Variants in CELA1 observed in about 807,000 individuals in gnomAD.
CELA1 encodes the protein chymotrypsin like elastase 1.
Under a neutral mutation model 34.8 loss-of-function variants are expected in CELA1, and 28 were observed. That is an observed-to-expected ratio of 0.80 (90% CI 0.60 to 1.10). The LOEUF (loss-of-function observed/expected upper bound fraction) is 1.10, where lower values mean the gene tolerates loss of function less well. Ranked by LOEUF, CELA1 falls within the 50% of genes least tolerant of loss-of-function variation. The pLI is 0.00. For synonymous variants in CELA1, 140 were observed against 129.8 expected (o/e 1.08, Z -0.53); for missense variants, 288 against 327.5 (o/e 0.88, Z 0.93).
intron 6 of CELA1, among the ~76,000 whole-genome samples, chr12:51,332,187 TAAA>T (rs35398341): frequency 1.4e-5 from 2 of 140,166 alleles, no homozygotes; most frequent in African/African-American, 2.6e-5. Context: ...CCTGTCTCTT[TAAA>T]AAAAAAAAAA....
intron 6 of CELA1, among the ~76,000 whole-genome samples, chr12:51,330,528 A>G (rs1946463453): frequency 6.6e-6 from 1 of 152,206 alleles, no homozygotes; most frequent in Admixed American, 6.5e-5. Context: ...CCTCCACTAA[A>G]ATGGCCTAGC....
rs749726504 is a variant in CELA1, at chr12:51,343,801, G to T, written c.152C>A (p.Thr51Asn). Residue 51 changes from threonine to asparagine, a missense_variant, in exon 3 of 8, where the codon ACC becomes AAC. Physicochemically the swap from Thr to Asn is moderately conservative, Grantham distance 65. Coordinates refer to ENST00000293636, the MANE Select transcript of CELA1 (RefSeq NM_001971.6). ...CATCACCCAGTTCTGTCTGATAAGGGTCCCTCCACAGGTGTGATACCGGGA... is the reference window on the plus strand; with the variant it reads ...CATCACCCAGTTCTGTCTGATAAGGTTCCCTCCACAGGTGTGATACCGGGA... Reference protein sequence around the residue: ...GGSRYHTCGGTLIRQNWVMTA... With the variant: ...GGSRYHTCGGNLIRQNWVMTA... The T allele has an allele frequency of 1.2e-5, 20 of 1,611,226 alleles. No individual in the cohort carries two copies. In the Admixed American group the frequency reaches 2.8e-4, roughly 23 times the overall value.
Position 51,343,318 on chromosome 12 carries a change from T to C in CELA1, c.200+435A>G, listed in dbSNP as rs181342546. On this transcript the variant is annotated intron_variant, in intron 3 of 7. Transcript: ENST00000293636. ...CCTGGACCTACCAAATTAGAAACTC[T>C]GCTGGATGGGGCCCAGCAATCTGTG... Among the ~76,000 whole-genome samples, 174 of 152,342 alleles carry C rather than the reference T, an allele frequency of 1.1e-3. 1 individual carries two copies. Among genetic ancestry groups the C allele is most frequent in the Non-Finnish European group, 3.5e-4 (24 of 68,022 alleles).
chr12:51,329,648 T>C lies in CELA1; in HGVS notation c.759+36A>G, dbSNP rs1384817709. On this transcript the variant is annotated intron_variant, in intron 7 of 7. Transcript: ENST00000293636. The stretch of plus-strand genomic sequence containing the variant: ...CCCAGCCAGTGCGTAGGTCTCCAGG[T>C]GACCCCATTTCAACCCATCATTTGA... 2.5e-6 allele frequency: 4 copies of C among 1,569,440 alleles called. No individual in the cohort carries two copies. The Admixed American group carries it at 7.4e-5, about 29-fold the overall frequency.
At chr12:51,339,330 C>T (rs1019650392) in intron 6 of CELA1, among the ~76,000 whole-genome samples, 1 of 152,326 alleles carries the variant, frequency 6.6e-6, no homozygotes, top group East Asian at 1.9e-4. Context: ...GCGGGTGGAT[C>T]ACCTGAGGTC....
rs369885178 is a variant in CELA1, at chr12:51,346,670, C to T, written c.-32G>A. 9 of 1,595,430 alleles carry T rather than the reference C, an allele frequency of 5.6e-6. No homozygotes were observed. The highest frequency in any genetic ancestry group is 4.0e-5 in the African/African-American group (3 of 74,104). On this transcript the variant is annotated 5_prime_UTR_variant, in exon 1 of 8. Transcript: ENST00000293636. ...GATGGAGTAGACCACTGCCTTCTTG[C>T]TTGGACCAAGCCCTCTTTATACTCC...
chr12:51,342,725 A>C (rs1271409660), intron 3 of CELA1, 25 bp from the exon 4 acceptor site: 18 of 1,613,770 alleles, frequency 1.1e-5, no homozygotes, highest in Non-Finnish European at 1.5e-5. Context: ...GGAATCCCTG[A>C]GTCATCCAGG....
At chr12:51,333,221 A>G (rs1592295503) in intron 6 of CELA1, among the ~76,000 whole-genome samples, 1 of 151,818 alleles carries the variant, frequency 6.6e-6, no homozygotes, top group Non-Finnish European at 1.5e-5. Flanking sequence ...CAGCCTCCCA[A>G]GTAGCTGGGA....
intron 6 of CELA1, among the ~76,000 whole-genome samples, chr12:51,331,726 G>A (rs756147155): frequency 1.3e-5 from 2 of 152,178 alleles, no homozygotes; most frequent in Non-Finnish European, 2.9e-5. Context: ...CCCTCACAAC[G>A]AATGCAAATA....
rs1946552063 is a variant in CELA1, at chr12:51,343,873, A to G, written c.100-20T>C. The G allele has an allele frequency of 1.5e-6, 2 of 1,343,766 alleles. No individual in the cohort carries two copies. The highest frequency in any genetic ancestry group is 1.4e-5 in the African/African-American group (1 of 69,326). The allele number at this position is 1,343,766 out of a possible 1,614,324, so 83.2% of individuals were successfully genotyped here. ...GGAAATCTAGATGGGGAGGAAAGAAAGAAGGGATAGGTTGGTGTTTCTCAA... is the reference window on the plus strand; with the variant it reads ...GGAAATCTAGATGGGGAGGAAAGAAGGAAGGGATAGGTTGGTGTTTCTCAA... On this transcript the variant is annotated intron_variant, in intron 2 of 7. Coordinates refer to ENST00000293636, the MANE Select transcript of CELA1 (RefSeq NM_001971.6).
In CELA1 at chr12:51,339,930, G is replaced by A; in HGVS notation, c.539C>T (p.Ser180Phe). 2 of 1,614,132 alleles carry A rather than the reference G, an allele frequency of 1.2e-6. No homozygotes were observed. The highest frequency in any genetic ancestry group is 1.1e-5 in the South Asian group (1 of 91,076). The change falls in exon 6 of 8, where the codon TCC becomes TTC. Residue 180 changes from serine (S) to phenylalanine (F), a missense_variant. Transcript: ENST00000293636. ...SVDYAICSSS[S>F]YWGSTVKNTM... is the part of the protein sequence containing the mutation. ...GTTCTTCACAGTGGAGCCCCAGTAGGAGGAGCTGGAGCAGATGGCGTAGTC... is the reference window on the plus strand; with the variant it reads ...GTTCTTCACAGTGGAGCCCCAGTAGAAGGAGCTGGAGCAGATGGCGTAGTC...
At chr12:51,336,897 C>T (rs1946502128) in intron 6 of CELA1, among the ~76,000 whole-genome samples, 1 of 152,186 alleles carries the variant, frequency 6.6e-6, no homozygotes, top group South Asian at 2.1e-4. Flanking sequence ...TTGCAATAGC[C>T]CTCTAGGCAA....
intron 6 of CELA1, among the ~76,000 whole-genome samples, chr12:51,338,163 G>A (rs1377286607): frequency 4.6e-5 from 7 of 150,850 alleles, no homozygotes; most frequent in East Asian, 1.9e-4. Context: ...GCTTGAACCC[G>A]GGAGGCAGAG....
intron 5 of CELA1, among the ~76,000 whole-genome samples, chr12:51,340,339 C>A (rs1946526030): frequency 6.6e-6 from 1 of 151,726 alleles, no homozygotes; most frequent in South Asian, 2.1e-4. Flanking sequence ...CCTGCAAGCT[C>A]CATGGAGCAG....
intron 6 of CELA1, 42 bp from the exon 7 acceptor site, chr12:51,329,875 G>T (rs370854303): frequency 2.6e-6 from 4 of 1,549,304 alleles, no homozygotes; most frequent in Non-Finnish European, 3.5e-6. Flanking sequence ...CCAGATCTTC[G>T]GGCTTTTGCT....
chr12:51,343,987 G>C, intron 2 of CELA1, 134 bp from the exon 3 acceptor site: 1 of 633,138 alleles, frequency 1.6e-6, no homozygotes, highest in South Asian at 1.8e-5. Context: ...TTGAGCCTAG[G>C]AGCTGGAGAC....
At chr12:51,344,554 G>A (rs375285565) in intron 2 of CELA1, among the ~76,000 whole-genome samples, 57 of 151,980 alleles carry the variant, frequency 3.8e-4, no homozygotes, top group African/African-American at 1.3e-3. Flanking sequence ...AGTCGGGCGT[G>A]GTGGCATGCA....
intron 6 of CELA1, among the ~76,000 whole-genome samples, chr12:51,338,301 T>C (rs1186499309): frequency 5.8e-3 from 85 of 14,780 alleles, no homozygotes; most frequent in South Asian, 0.047. Context: ...CACATACGCA[T>C]ACATATATAT....
At chr12:51,338,995 G>C (rs1048682812) in intron 6 of CELA1, among the ~76,000 whole-genome samples, 1 of 152,116 alleles carries the variant, frequency 6.6e-6, no homozygotes, top group Non-Finnish European at 1.5e-5. Flanking sequence ...AAATCTGTAA[G>C]ATAGTTTATG....
Sources: gnomAD v4.1 joint callset for allele counts (sites outside exome capture counted in the v4.1 genomes callset) on GRCh38, gnomAD v4.1.1 for gene constraint, MANE v1.5 for transcripts, NCBI Gene and HGNC (gene_info 2026-07-23, HGNC 2026-07-21) for gene names.